Variants in RBM15B observed in about 807,000 individuals in gnomAD.
RBM15B encodes the protein RNA binding motif protein 15B.
A neutral mutation model predicts 53.3 loss-of-function variants in RBM15B; 11 were observed. That is an observed-to-expected ratio of 0.21 (90% CI 0.13 to 0.34). The LOEUF is 0.34. Ranked by LOEUF, RBM15B falls within the 10% of genes least tolerant of loss-of-function variation. The pLI, the probability that RBM15B is intolerant of heterozygous loss-of-function variation, is 1.00. For synonymous variants in RBM15B, 631 were observed against 540.7 expected (o/e 1.17, Z -2.32); for missense variants, 1,136 against 1,250.3 (o/e 0.91, Z 1.38).
Position 51,395,455 on chromosome 3 carries a change from C to T in RBM15B, c.*1383C>T, listed in dbSNP as rs991079996. On this transcript the variant is annotated 3_prime_UTR_variant, in exon 1 of 1. Coordinates refer to ENST00000563281, the MANE Select transcript of RBM15B (RefSeq NM_013286.5). ...TCTCAAGTAAGTAAGGAAGGTACTG[C>T]GGACAGTGTGGGCCAGGGAGGAAAA... 19 of 212,424 alleles carry T rather than the reference C, an allele frequency of 8.9e-5. No homozygotes were observed. The highest frequency in any genetic ancestry group is 1.3e-4 in the Non-Finnish European group (13 of 98,398). The allele number at this position is 212,424 out of a possible 1,614,324, so 13.2% of individuals were successfully genotyped here.
In RBM15B at chr3:51,395,871, T is replaced by A. The variant is rs761061627; in HGVS notation, c.*1799T>A. 7.3e-6 allele frequency: 3 copies of A among 413,520 alleles called. No individual in the cohort carries two copies. Among genetic ancestry groups the A allele is most frequent in the Non-Finnish European group, 1.3e-5 (3 of 226,148 alleles). The allele number at this position is 413,520 out of a possible 1,614,324, so 25.6% of individuals were successfully genotyped here. ...ATAACAAAACAGCAACACAAAGACA[T>A]GTTAAGCATGTTTATTTATTTGCCT... On this transcript the variant is annotated 3_prime_UTR_variant, in exon 1 of 1. Transcript: ENST00000563281.
chr3:51,394,451 C>G lies in RBM15B; in HGVS notation c.*379C>G, dbSNP rs1443572735. ...CAAGCTAAAAGAATCGAAGACATCC[C>G]TAGTGCATGTACACGAATGCCCTAC... On this transcript the variant is annotated 3_prime_UTR_variant, in exon 1 of 1. Coordinates refer to ENST00000563281, the MANE Select transcript of RBM15B (RefSeq NM_013286.5). 5.6e-6 allele frequency: 1 copy of G among 177,504 alleles called. No homozygotes were observed. Among genetic ancestry groups the G allele is most frequent in the Non-Finnish European group, 1.3e-5 (1 of 75,578 alleles). 11.0% of individuals were successfully genotyped at this position (177,504 alleles called of 1,614,324 possible). A position where few individuals can be genotyped will look rare whatever the true frequency, so the allele number is the denominator to read the frequency against.
In RBM15B at chr3:51,393,472, A is replaced by G; in HGVS notation, c.2073A>G (p.Thr691=). 2 of 1,613,968 alleles carry G rather than the reference A, an allele frequency of 1.2e-6. No homozygotes were observed. Among genetic ancestry groups the G allele is most frequent in the Non-Finnish European group, 1.7e-6 (2 of 1,179,970 alleles). Reference sequence around the variant, plus strand: ...ACAGCGAGCGCAATCACCGGACCACAGAGGCCGAGCCCAAGCCTCTGGAAG... The same window carrying G: ...ACAGCGAGCGCAATCACCGGACCACGGAGGCCGAGCCCAAGCCTCTGGAAG... ...ARDSERNHRT[T]EAEPKPLEEP... The change falls in exon 1 of 1, where the codon ACA becomes ACG. Residue 691 remains threonine, a synonymous_variant. Coordinates refer to ENST00000563281, the MANE Select transcript of RBM15B (RefSeq NM_013286.5). The surrounding 1 kb of genome is among the most constrained non-coding windows in gnomAD (Gnocchi z 5.6).
At position 51,393,372 on chromosome 3, in the gene RBM15B, A is replaced by G. The variant is rs556837215; in HGVS notation, c.1973A>G (p.His658Arg). The G allele has an allele frequency of 5.6e-6, 9 of 1,613,398 alleles. No homozygotes were observed. Among genetic ancestry groups the G allele is most frequent in the Admixed American group, 1.7e-5 (1 of 60,006 alleles). Reference sequence around the variant, plus strand: ...AGCAACTCCCTCAGCAACAGCAGACATGGGGCTGAGGAACGGGGCCACCAC... The same window carrying G: ...AGCAACTCCCTCAGCAACAGCAGACGTGGGGCTGAGGAACGGGGCCACCAC... ...SSSNSLSNSR[H>R]GAEERGHHHH... Residue 658 changes from histidine (H) to arginine (R), a missense_variant, in exon 1 of 1, where the codon CAT becomes CGT. Coordinates refer to ENST00000563281, the MANE Select transcript of RBM15B (RefSeq NM_013286.5). This position sits in a 1 kb window ranked among gnomAD's most constrained non-coding sequence, Gnocchi z 5.6.
In RBM15B at chr3:51,393,066, G is replaced by T. The variant is rs782126134; in HGVS notation, c.1667G>T (p.Ser556Ile). The T allele has an allele frequency of 6.2e-7, 1 of 1,613,842 alleles. No individual in the cohort carries two copies. Among genetic ancestry groups the T allele is most frequent in the Non-Finnish European group, 8.5e-7 (1 of 1,179,948 alleles). ...GGGGACTGGACCAGCCCCAGTAAAA[G>T]CTCTGACCGCCGAAACAGCCTTGAG... ...LEGDWTSPSK[S>I]SDRRNSLEGY... Residue 556 changes from serine (S) to isoleucine (I), a missense_variant, in exon 1 of 1, where the codon AGC becomes ATC. Transcript: ENST00000563281. The surrounding 1 kb of genome is among the most constrained non-coding windows in gnomAD (Gnocchi z 5.6).
Position 51,393,821 on chromosome 3 carries a change from G to A in RBM15B, c.2422G>A (p.Gly808Arg). 1.2e-6 allele frequency: 2 copies of A among 1,612,400 alleles called. No individual in the cohort carries two copies. The highest frequency in any genetic ancestry group is 1.7e-6 in the Non-Finnish European group (2 of 1,179,494). Reference sequence around the variant, plus strand: ...AACCCCCAGTGGGCTTGGCACTGAGGGGATGCCCACAGTAGAGCCCGGTCT... The same window carrying A: ...AACCCCCAGTGGGCTTGGCACTGAGAGGATGCCCACAGTAGAGCCCGGTCT... ...QATPSGLGTE[G>R]MPTVEPGLQR... The change falls in exon 1 of 1, where the codon GGG (glycine) becomes AGG (arginine). Residue 808 changes from glycine (G) to arginine (R), a missense_variant. Gly to Arg is a moderately radical substitution (Grantham distance 125). This residue lies in a region of RBM15B where 578 missense variants were observed against 581.6 expected (regional missense o/e 0.99). Coordinates refer to ENST00000563281, the MANE Select transcript of RBM15B (RefSeq NM_013286.5). This position sits in a 1 kb window ranked among gnomAD's most constrained non-coding sequence, Gnocchi z 5.6.
chr3:51,394,049 G>C lies in RBM15B; in HGVS notation c.2650G>C (p.Val884Leu), dbSNP rs146570675. Residue 884 changes from valine (V) to leucine (L), a missense_variant, in exon 1 of 1, where the codon GTC (valine) becomes CTC (leucine). Physicochemically the swap from Val to Leu is conservative, Grantham distance 32. Around this residue, in one of 7 missense-constraint regions of RBM15B, gnomAD observed 578 missense variants for 581.6 expected, o/e 0.99. Transcript: ENST00000563281. ...GKLEEEHMVI[V>L]IVRDTA ...GCTAGAAGAAGAACACATGGTGATA[G>C]TCATCGTCAGAGACACTGCCTAGCC... The C allele has an allele frequency of 2.0e-6, 3 of 1,466,932 alleles. No individual in the cohort carries two copies. Among genetic ancestry groups the C allele is most frequent in the Non-Finnish European group, 2.7e-6 (3 of 1,108,372 alleles). 90.9% of individuals were successfully genotyped at this position (1,466,932 alleles called of 1,614,324 possible). A position where few individuals can be genotyped will look rare whatever the true frequency, so the allele number is the denominator to read the frequency against.
At position 51,392,337 on chromosome 3, in the gene RBM15B, G is replaced by A; in HGVS notation, c.938G>A (p.Arg313His). The A allele has an allele frequency of 6.2e-7, 1 of 1,613,612 alleles. No individual in the cohort carries two copies. Among genetic ancestry groups the A allele is most frequent in the East Asian group, 2.2e-5 (1 of 44,886 alleles). Residue 313 changes from arginine (R) to histidine (H), a missense_variant, in exon 1 of 1, where the codon CGT becomes CAT. Transcript: ENST00000563281. The surrounding 1 kb of genome is among the most constrained non-coding windows in gnomAD (Gnocchi z 7.5). ...GACTACTACGGGCTGTACGACGACC[G>A]TGGGCGCCCCTATGGCTACCCAGCT... ...ALDYYGLYDD[R>H]GRPYGYPAVC...
Position 51,396,332 on chromosome 3 carries a change from G to C in RBM15B, c.*2260G>C, listed in dbSNP as rs1179846850. On this transcript the variant is annotated 3_prime_UTR_variant, in exon 1 of 1. Transcript: ENST00000563281. ...AAGAACTGCCAAGTTTTGGTGAGGA[G>C]TAACACCCTGGCATGACATTCCTTC... 1 of 174,048 alleles carries C rather than the reference G, an allele frequency of 5.7e-6. No homozygotes were observed. Among genetic ancestry groups the C allele is most frequent in the East Asian group, 1.8e-4 (1 of 5,618 alleles). 10.8% of individuals were successfully genotyped at this position (174,048 alleles called of 1,614,324 possible). A position where few individuals can be genotyped will look rare whatever the true frequency, so the allele number is the denominator to read the frequency against.
Position 51,396,216 on chromosome 3 carries a change from G to A in RBM15B, c.*2144G>A, listed in dbSNP as rs1314055274. ...CTTTGTGAGACAGAACCAAGTAAAA[G>A]GAAACATGCTAGAAAACGTGCCTAG... is the stretch of plus-strand genomic sequence containing the variant. On this transcript the variant is annotated 3_prime_UTR_variant, in exon 1 of 1. Transcript: ENST00000563281. 3 of 324,270 alleles carry A rather than the reference G, an allele frequency of 9.3e-6. No homozygotes were observed. Among genetic ancestry groups the A allele is most frequent in the African/African-American group, 4.3e-5 (2 of 46,856 alleles). The allele number at this position is 324,270 out of a possible 1,614,324, so 20.1% of individuals were successfully genotyped here.
chr3:51,393,348 G>A lies in RBM15B; in HGVS notation c.1949G>A (p.Ser650Asn). ...AGTGAAGGGACCAAGGAGTCCAGCA[G>A]CAACTCCCTCAGCAACAGCAGACAT... ...HSSEGTKESSSNSLSNSRHGA... is the reference protein window; with the variant it reads ...HSSEGTKESSNNSLSNSRHGA... The change falls in exon 1 of 1, where the codon AGC (serine) becomes AAC (asparagine). Residue 650 changes from serine to asparagine, a missense_variant. Around this residue, in one of 7 missense-constraint regions of RBM15B, gnomAD observed 578 missense variants for 581.6 expected, o/e 0.99. Transcript: ENST00000563281. The surrounding 1 kb of genome is among the most constrained non-coding windows in gnomAD (Gnocchi z 5.6). The A allele has an allele frequency of 6.2e-7, 1 of 1,612,506 alleles. No individual in the cohort carries two copies.
rs1392470927 is a variant in RBM15B at position 51,395,694 on chromosome 3, A to AGGT, written c.*1623_*1625dup. ...CTGCTCCCTTACCGGAGCTAGGATAAGGTAGCATGAGTGACACCTGAGATT... is the reference window on the plus strand; with the variant it reads ...CTGCTCCCTTACCGGAGCTAGGATAAGGTGGTAGCATGAGTGACACCTGAGATT... On this transcript the variant is annotated 3_prime_UTR_variant, in exon 1 of 1. Transcript: ENST00000563281. The AGGT allele has an allele frequency of 2.4e-6, 1 of 412,142 alleles. No homozygotes were observed. The highest frequency in any genetic ancestry group is 4.4e-6 in the Non-Finnish European group (1 of 225,698). 25.5% of individuals were successfully genotyped at this position (412,142 alleles called of 1,614,324 possible). A position where few individuals can be genotyped will look rare whatever the true frequency, so the allele number is the denominator to read the frequency against.
chr3:51,393,333 C>T lies in RBM15B; in HGVS notation c.1934C>T (p.Thr645Ile), dbSNP rs1340978323. The T allele has an allele frequency of 3.1e-6, 5 of 1,611,220 alleles. No homozygotes were observed. Among genetic ancestry groups the T allele is most frequent in the Non-Finnish European group, 4.2e-6 (5 of 1,178,838 alleles). ...SRKENHSSEG[T>I]KESSSNSLSN... ...AAGGAGAACCACTCCAGTGAAGGGA[C>T]CAAGGAGTCCAGCAGCAACTCCCTC... is the stretch of plus-strand genomic sequence containing the variant. Residue 645 changes from threonine to isoleucine, a missense_variant, in exon 1 of 1, where the codon ACC (threonine) becomes ATC (isoleucine). Thr to Ile is a moderately conservative substitution (Grantham distance 89). This residue lies in a region of RBM15B where 578 missense variants were observed against 581.6 expected (regional missense o/e 0.99). Coordinates refer to ENST00000563281, the MANE Select transcript of RBM15B (RefSeq NM_013286.5). This position sits in a 1 kb window ranked among gnomAD's most constrained non-coding sequence, Gnocchi z 5.6.
In RBM15B at chr3:51,396,134, C is replaced by CCTAT. The variant is rs564582866; in HGVS notation, c.*2065_*2068dup. The CCTAT allele has an allele frequency of 5.4e-4, 219 of 403,166 alleles. No homozygotes were observed. The highest frequency in any genetic ancestry group is 4.1e-3 in the African/African-American group (201 of 48,576). 25.0% of individuals were successfully genotyped at this position (403,166 alleles called of 1,614,324 possible). A position where few individuals can be genotyped will look rare whatever the true frequency, so the allele number is the denominator to read the frequency against. ...AGTCCAAAACTTCTTCTCTGGGCTACCTATCTTCCTTCATGAAGCAGGTGC... is the reference window on the plus strand; with the variant it reads ...AGTCCAAAACTTCTTCTCTGGGCTACCTATCTATCTTCCTTCATGAAGCAGGTGC... On this transcript the variant is annotated 3_prime_UTR_variant, in exon 1 of 1. Coordinates refer to ENST00000563281, the MANE Select transcript of RBM15B (RefSeq NM_013286.5).
chr3:51,395,599 A>T lies in RBM15B; in HGVS notation c.*1527A>T, dbSNP rs2089151609. The T allele has an allele frequency of 2.5e-6, 1 of 403,666 alleles. No individual in the cohort carries two copies. The highest frequency in any genetic ancestry group is 4.5e-6 in the Non-Finnish European group (1 of 220,480). 25.0% of individuals were successfully genotyped at this position (403,666 alleles called of 1,614,324 possible). On this transcript the variant is annotated 3_prime_UTR_variant, in exon 1 of 1. Transcript: ENST00000563281. Reference sequence around the variant, plus strand: ...GGCTGAGGAGAACAGAAGCTCTGGTAAGCGAATGAGCCCCTAGATGATAAC... The same window carrying T: ...GGCTGAGGAGAACAGAAGCTCTGGTTAGCGAATGAGCCCCTAGATGATAAC...
Position 51,396,992 on chromosome 3 carries a change from A to C in RBM15B, c.*2920A>C, listed in dbSNP as rs1414962075. On this transcript the variant is annotated 3_prime_UTR_variant, in exon 1 of 1. Transcript: ENST00000563281. Reference sequence around the variant, plus strand: ...GAGGACCAAGAAATACCTGTGTGACACAGACCCACTTCAGTGTGTACAGCA... The same window carrying C: ...GAGGACCAAGAAATACCTGTGTGACCCAGACCCACTTCAGTGTGTACAGCA... 2 of 167,092 alleles carry C rather than the reference A, an allele frequency of 1.2e-5. No individual in the cohort carries two copies. The highest frequency in any genetic ancestry group is 2.9e-5 in the Non-Finnish European group (2 of 68,130). 10.4% of individuals were successfully genotyped at this position (167,092 alleles called of 1,614,324 possible). A position where few individuals can be genotyped will look rare whatever the true frequency, so the allele number is the denominator to read the frequency against.
chr3:51,393,572 C>A lies in RBM15B; in HGVS notation c.2173C>A (p.Leu725Ile). The A allele has an allele frequency of 6.2e-7, 1 of 1,614,168 alleles. No individual in the cohort carries two copies. The highest frequency in any genetic ancestry group is 2.2e-5 in the East Asian group (1 of 44,888). Residue 725 changes from leucine to isoleucine, a missense_variant, in exon 1 of 1, where the codon CTT becomes ATT. Around this residue, in one of 7 missense-constraint regions of RBM15B, gnomAD observed 578 missense variants for 581.6 expected, o/e 0.99. Coordinates refer to ENST00000563281, the MANE Select transcript of RBM15B (RefSeq NM_013286.5). This position sits in a 1 kb window ranked among gnomAD's most constrained non-coding sequence, Gnocchi z 5.6. ...GACACTACAGCTGGGTTGGAATGGG[C>A]TTCTGGTGTTGAAAAACAGCTGCTT... is the stretch of plus-strand genomic sequence containing the variant. Reference protein sequence around the residue: ...AQTLQLGWNGLLVLKNSCFPT... With the variant: ...AQTLQLGWNGILVLKNSCFPT...
rs2089314960 is a variant in RBM15B, at chr3:51,397,878, T to C, written c.*3806T>C. 6.0e-6 allele frequency: 1 copy of C among 166,902 alleles called. No individual in the cohort carries two copies. The highest frequency in any genetic ancestry group is 1.5e-5 in the Non-Finnish European group (1 of 68,126). The allele number at this position is 166,902 out of a possible 1,614,324, so 10.3% of individuals were successfully genotyped here. The stretch of plus-strand genomic sequence containing the variant: ...ACTTGTAGTTTATTTTGTATTTTTT[T>C]TAAATAAATACACTTTACATTAAAG... On this transcript the variant is annotated 3_prime_UTR_variant, in exon 1 of 1. Coordinates refer to ENST00000563281, the MANE Select transcript of RBM15B (RefSeq NM_013286.5).
At position 51,394,238 on chromosome 3, in the gene RBM15B, A is replaced by AT. The variant is rs2089097271; in HGVS notation, c.*170dup. 1 of 994,032 alleles carries AT rather than the reference A, an allele frequency of 1.0e-6. No homozygotes were observed. Among genetic ancestry groups the AT allele is most frequent in the Non-Finnish European group, 1.3e-6 (1 of 758,906 alleles). The allele number at this position is 994,032 out of a possible 1,614,324, so 61.6% of individuals were successfully genotyped here. A position where few individuals can be genotyped will look rare whatever the true frequency, so the allele number is the denominator to read the frequency against. ...TCCACCACCAAAACTAAGTTCTTAG[A>AT]TTTTGGGGGATTTTTTTTTTTAAAC... On this transcript the variant is annotated 3_prime_UTR_variant, in exon 1 of 1. Coordinates refer to ENST00000563281, the MANE Select transcript of RBM15B (RefSeq NM_013286.5).
Sources: allele counts gnomAD v4.1 joint callset, GRCh38; gene constraint gnomAD v4.1.1; regional missense constraint gnomAD v4.1.1; non-coding constraint Gnocchi (gnomAD v3.1); transcripts MANE v1.5; gene names NCBI Gene and HGNC (gene_info 2026-07-23, HGNC 2026-07-21).